The following CA5A variants were observed in gnomAD, a reference collection of about 807,000 sequenced individuals.
The protein encoded by CA5A is carbonic anhydrase 5A, also known as carbonic anhydrase 5A, mitochondrial.
A neutral mutation model predicts 37.1 loss-of-function variants in CA5A; 28 were observed. The ratio of observed to expected loss-of-function variants is 0.75; its 90% CI spans 0.56 to 1.03. CA5A has a LOEUF of 1.03. Ranked by LOEUF, CA5A falls within the 50% of genes least tolerant of loss-of-function variation. The pLI, the probability that CA5A is intolerant of heterozygous loss-of-function variation, is 0.00. For missense variants in CA5A, 444 were observed against 399.9 expected, an observed-to-expected ratio of 1.11 and a Z score of -0.94; for synonymous variants, 171 against 158.4, an observed-to-expected ratio of 1.08 and a Z score of -0.60.
At chr16:87,929,727 C>G (rs1235631454) in intron 1 of CA5A, among the ~76,000 whole-genome samples, 4 of 151,728 alleles carry the variant, frequency 2.6e-5, no homozygotes, top group African/African-American at 9.7e-5. Flanking sequence ...AAAAAATTAG[C>G]CGGGCGTGGT....
chr16:87,901,893 T>C lies in CA5A; in HGVS notation c.618+19A>G, dbSNP rs767721061. On this transcript the variant is annotated intron_variant, in intron 5 of 6. Coordinates refer to ENST00000649794, the MANE Select transcript of CA5A (RefSeq NM_001739.2). ...TGAGCCTCCGCGCCCGGCCTGCTGA[T>C]TTCAAATATGCAGCTTACCTTATGT... The C allele has an allele frequency of 6.2e-7, 1 of 1,609,324 alleles. No individual in the cohort carries two copies. Among genetic ancestry groups the C allele is most frequent in the South Asian group, 1.1e-5 (1 of 91,016 alleles).
chr16:87,898,537 G>A (rs1256433800), intron 5 of CA5A, among the ~76,000 whole-genome samples: 1 of 152,172 alleles, frequency 6.6e-6, no homozygotes, highest in Non-Finnish European at 1.5e-5. Flanking sequence ...GCAACAAAAA[G>A]CGATTTTAAC....
chr16:87,918,738 T>C (rs2056190243), intron 2 of CA5A, among the ~76,000 whole-genome samples: 4 of 148,462 alleles, frequency 2.7e-5, no homozygotes, highest in Admixed American at 2.0e-4. Context: ...CTCATTCTTC[T>C]CTGTTTCTCT....
At chr16:87,895,122 C>T (rs139464703) in intron 5 of CA5A, among the ~76,000 whole-genome samples, 3,497 of 152,160 alleles carry the variant, frequency 0.023, 40 homozygotes, top group African/African-American at 0.036. Flanking sequence ...CAGTGGTGCA[C>T]GCCTGTGGTC....
intron 3 of CA5A, among the ~76,000 whole-genome samples, chr16:87,903,735 G>A (rs1457018116): frequency 6.6e-6 from 1 of 152,098 alleles, no homozygotes; most frequent in Non-Finnish European, 1.5e-5. Context: ...ACAACAACAA[G>A]TTCAAAAAAC....
chr16:87,901,948 C>T lies in CA5A; in HGVS notation c.582G>A (p.Gln194=). ...TTTCCGGCAAGATGTCCACCAGCCTCTGCAGCGTCTGATGATGGGCCCCGA... is the reference window on the plus strand; with the variant it reads ...TTTCCGGCAAGATGTCCACCAGCCTTTGCAGCGTCTGATGATGGGCCCCGA... ...LKLGAHHQTL[Q]RLVDILPEIK... Residue 194 remains glutamine, a synonymous_variant, in exon 5 of 7, where the codon CAG becomes CAA. Coordinates refer to ENST00000649794, the MANE Select transcript of CA5A (RefSeq NM_001739.2). 2 of 1,613,806 alleles carry T rather than the reference C, an allele frequency of 1.2e-6. No homozygotes were observed. Among genetic ancestry groups the T allele is most frequent in the Non-Finnish European group, 1.7e-6 (2 of 1,179,834 alleles).
chr16:87,922,560 G>A (rs761983694), intron 2 of CA5A, among the ~76,000 whole-genome samples: 31 of 152,244 alleles, frequency 2.0e-4, no homozygotes, highest in Non-Finnish European at 4.1e-4. Context: ...CGCCAACAGG[G>A]TTGGGGCGTG....
At chr16:87,912,299 C>G (rs151041342) in intron 2 of CA5A, among the ~76,000 whole-genome samples, 3 of 152,212 alleles carry the variant, frequency 2.0e-5, no homozygotes, top group African/African-American at 4.8e-5. Context: ...GAGACTCCAT[C>G]TCAATAAATA....
At chr16:87,892,492 A>C (rs2055732207) in intron 5 of CA5A, among the ~76,000 whole-genome samples, 1 of 147,940 alleles carries the variant, frequency 6.8e-6, no homozygotes, top group African/African-American at 2.5e-5. Flanking sequence ...CCTGGGCAAC[A>C]GAGTGAGACT....
chr16:87,890,235 C>T (rs1353706572), intron 6 of CA5A, among the ~76,000 whole-genome samples: 1 of 152,174 alleles, frequency 6.6e-6, no homozygotes, highest in Admixed American at 6.5e-5. Flanking sequence ...TGTTCCTGTA[C>T]CGCCCCTCCA....
intron 6 of CA5A, among the ~76,000 whole-genome samples, chr16:87,888,592 C>G (rs534853828): frequency 6.6e-6 from 1 of 152,282 alleles, no homozygotes; most frequent in African/African-American, 2.4e-5. Context: ...TTGCTAGCTA[C>G]TCGAGAGGGC....
At chr16:87,889,779 A>C (rs545273677) in intron 6 of CA5A, among the ~76,000 whole-genome samples, 4 of 152,298 alleles carry the variant, frequency 2.6e-5, no homozygotes, top group Admixed American at 2.6e-4. Context: ...CTCAAAAAAA[A>C]ATAATAAAAT....
At chr16:87,893,360 C>A in intron 5 of CA5A, 1 of 417,206 alleles carries the variant, frequency 2.4e-6, no homozygotes, top group South Asian at 1.9e-5. Context: ...ATCTCCTGAC[C>A]TCGTGATCTG....
intron 5 of CA5A, among the ~76,000 whole-genome samples, chr16:87,898,703 A>C (rs571546683): frequency 9.4e-5 from 14 of 148,590 alleles, no homozygotes; most frequent in African/African-American, 3.5e-4. Context: ...ATTCCATTAC[A>C]TGGTGAGAAT....
At chr16:87,916,885 G>A (rs188656773) in intron 2 of CA5A, among the ~76,000 whole-genome samples, 18 of 152,204 alleles carry the variant, frequency 1.2e-4, no homozygotes, top group African/African-American at 3.1e-4. Context: ...GGAGGATCAC[G>A]AGGTCAGGAG....
chr16:87,910,257 T>C lies in CA5A; in HGVS notation c.341-5353A>G, dbSNP rs541161806. 4.6e-5 allele frequency among the ~76,000 whole-genome samples: 7 copies of C among 152,312 alleles called. No homozygotes were observed. In the East Asian group the frequency reaches 1.4e-3, roughly 29 times the overall value. ...GTCGTGATGGAGAAGGCTTGGTGTG[T>C]ACCAGAGTGCAGCGGAGGAGCTGGC... is the stretch of plus-strand genomic sequence containing the variant. On this transcript the variant is annotated intron_variant, in intron 2 of 6. Transcript: ENST00000649794.
chr16:87,925,939 AG>A (rs1306832107), intron 2 of CA5A, among the ~76,000 whole-genome samples: 2 of 152,118 alleles, frequency 1.3e-5, no homozygotes, highest in African/African-American at 4.8e-5. Flanking sequence ...AAGGTCAGCG[AG>A]GGCCGGGCGC....
Position 87,916,765 on chromosome 16 carries a change from G to T in CA5A, c.340+9983C>A, listed in dbSNP as rs192265348. Reference sequence around the variant, plus strand: ...ACAAAAGACCACACAGCACACAGGGGTCGCGGTGCACCTGGGAAGCGTCTG... The same window carrying T: ...ACAAAAGACCACACAGCACACAGGGTTCGCGGTGCACCTGGGAAGCGTCTG... On this transcript the variant is annotated intron_variant, in intron 2 of 6. Transcript: ENST00000649794. Among the ~76,000 whole-genome samples, 17 of 152,248 alleles carry T rather than the reference G, an allele frequency of 1.1e-4. No homozygotes were observed. The East Asian group carries it at 3.1e-3, about 28-fold the overall frequency.
intron 1 of CA5A, among the ~76,000 whole-genome samples, chr16:87,931,020 T>G (rs1049010442): frequency 6.6e-6 from 1 of 151,586 alleles, no homozygotes; most frequent in Admixed American, 6.6e-5. Context: ...ATTATAGGCG[T>G]GAGCCACTGC....
Sources: gnomAD v4.1 joint callset for allele counts (sites outside exome capture counted in the v4.1 genomes callset) on GRCh38, gnomAD v4.1.1 for gene constraint, MANE v1.5 for transcripts, NCBI Gene and HGNC (gene_info 2026-07-23, HGNC 2026-07-21) for gene names.